Variants in LINGO2 observed in about 807,000 individuals in gnomAD.
LINGO2 encodes leucine-rich repeat and immunoglobulin-like domain-containing nogo receptor-interacting protein 2.
In LINGO2, 14 loss-of-function variants were observed where a neutral mutation model predicts 30.6. That is an observed-to-expected ratio of 0.46 (90% CI 0.30 to 0.72). The LOEUF is 0.72. Ranked by LOEUF, LINGO2 falls within the 30% of genes least tolerant of loss-of-function variation. The pLI is 0.07. For synonymous variants in LINGO2, 317 were observed against 288.5 expected, an observed-to-expected ratio of 1.10 and a Z score of -1.00; for missense variants, 729 against 751.7, an observed-to-expected ratio of 0.97 and a Z score of 0.35.
the LINGO2 span, among the ~76,000 whole-genome samples, chr9:28,771,455 GTGTGTGTGTGTGTGTGTGT>G: frequency 3.0e-5 from 2 of 67,666 alleles, no homozygotes; most frequent in African/African-American, 1.6e-4. Context: ...CCTATTTGGT[GTGTGTGTGTGTGTGTGTGT>G]GTGTGTGTGT....
At chr9:29,060,202 G>T in the LINGO2 span, among the ~76,000 whole-genome samples, 1 of 151,968 alleles carries the variant, frequency 6.6e-6, no homozygotes. Context: ...AATTCAGAAA[G>T]TAACCTCATA....
At chr9:28,527,087 A>G (rs1440098356) in intron 1 of LINGO2, among the ~76,000 whole-genome samples, 2 of 152,200 alleles carry the variant, frequency 1.3e-5, no homozygotes, top group African/African-American at 4.8e-5. Context: ...TTTCTTTTAC[A>G]CAGAAGTAGA....
intron 2 of LINGO2, among the ~76,000 whole-genome samples, chr9:28,433,581 T>C (rs753906887): frequency 6.6e-6 from 1 of 151,972 alleles, no homozygotes; most frequent in Non-Finnish European, 1.5e-5. Context: ...CACAATGAGA[T>C]ATCACTGCAC....
the LINGO2 span, among the ~76,000 whole-genome samples, chr9:28,959,610 C>CACACACACACACA: frequency 7.1e-6 from 1 of 141,622 alleles, no homozygotes; most frequent in African/African-American, 2.7e-5. Context: ...TCTCTCTCTC[C>CACACACACACACA]CTCACACACA....
the LINGO2 span, among the ~76,000 whole-genome samples, chr9:28,766,140 C>T: frequency 6.6e-6 from 1 of 152,066 alleles, no homozygotes; most frequent in East Asian, 1.9e-4. Context: ...AGAAAGTAAT[C>T]AAGAAAATCA....
chr9:28,374,893 C>G (rs1186610295), intron 2 of LINGO2, among the ~76,000 whole-genome samples: 2 of 151,978 alleles, frequency 1.3e-5, no homozygotes, highest in African/African-American at 4.8e-5. Context: ...AAAAGAAACT[C>G]AGAAACTGAA....
the LINGO2 span, among the ~76,000 whole-genome samples, chr9:28,749,721 A>C: frequency 6.6e-6 from 1 of 152,088 alleles, no homozygotes; most frequent in Admixed American, 6.5e-5. Flanking sequence ...CAAAATGCAA[A>C]GTACTCACAA....
the LINGO2 span, among the ~76,000 whole-genome samples, chr9:28,864,874 G>A: frequency 6.6e-6 from 1 of 152,092 alleles, no homozygotes; most frequent in South Asian, 2.1e-4. Flanking sequence ...GTTAGATGCT[G>A]GGGATATAAA....
the LINGO2 span, among the ~76,000 whole-genome samples, chr9:29,112,927 T>C: frequency 6.6e-6 from 1 of 152,178 alleles, no homozygotes; most frequent in Non-Finnish European, 1.5e-5. Context: ...AAGATACTAA[T>C]ATCATCCCAA....
the LINGO2 span, among the ~76,000 whole-genome samples, chr9:28,878,102 A>G: frequency 6.6e-6 from 1 of 152,136 alleles, no homozygotes; most frequent in Non-Finnish European, 1.5e-5. Flanking sequence ...AAGACTAATA[A>G]AGAAAAAATG....
the LINGO2 span, among the ~76,000 whole-genome samples, chr9:28,856,641 A>G: frequency 6.6e-6 from 1 of 152,066 alleles, no homozygotes; most frequent in Non-Finnish European, 1.5e-5. Flanking sequence ...CACTGTGACT[A>G]AAGCCCAGGG....
chr9:28,219,116 A>G (rs1232406931), intron 4 of LINGO2, among the ~76,000 whole-genome samples: 2 of 152,170 alleles, frequency 1.3e-5, no homozygotes, highest in Non-Finnish European at 2.9e-5. Context: ...ACTTGACCCT[A>G]TGAATATCAT....
intron 4 of LINGO2, among the ~76,000 whole-genome samples, chr9:28,044,910 G>T (rs909547994): frequency 6.6e-6 from 1 of 152,080 alleles, no homozygotes; most frequent in African/African-American, 2.4e-5. Context: ...CAAATCCAAA[G>T]TAATATAGGA....
At chr9:28,026,057 G>A (rs1455384757) in intron 4 of LINGO2, among the ~76,000 whole-genome samples, 1 of 152,080 alleles carries the variant, frequency 6.6e-6, no homozygotes, top group Non-Finnish European at 1.5e-5. Flanking sequence ...CTGTGTTCTA[G>A]CTACTGAGGC....
intron 4 of LINGO2, among the ~76,000 whole-genome samples, chr9:28,034,781 A>G (rs1312464352): frequency 1.3e-5 from 2 of 152,238 alleles, no homozygotes; most frequent in African/African-American, 4.8e-5. Context: ...GTATTTAATA[A>G]TTTAAACTTA....
the LINGO2 span, among the ~76,000 whole-genome samples, chr9:29,058,304 T>C: frequency 6.6e-6 from 1 of 151,868 alleles, no homozygotes. Context: ...TCTTAGGAAG[T>C]AAAAACATCA....
chr9:28,574,427 G>C (rs1823854929), intron 1 of LINGO2, among the ~76,000 whole-genome samples: 1 of 152,104 alleles, frequency 6.6e-6, no homozygotes, highest in Non-Finnish European at 1.5e-5. Flanking sequence ...ATTCCATCTT[G>C]TAAGAGAGCT....
chr9:28,069,893 T>C lies in LINGO2; in HGVS notation c.-86-57488A>G, dbSNP rs1825422586. Among the ~76,000 whole-genome samples the C allele has an allele frequency of 2.6e-5, 4 of 152,142 alleles. No individual in the cohort carries two copies. In the South Asian group the frequency reaches 8.3e-4, roughly 31 times the overall value. On this transcript the variant is annotated intron_variant, in intron 4 of 5. Coordinates refer to ENST00000379992, the Ensembl canonical transcript of LINGO2. ...AACTGCCAAATAGCCATGTGGAAAGTGAAAGCTCTTCCAGCAATTGCTGGT... is the reference window on the plus strand; with the variant it reads ...AACTGCCAAATAGCCATGTGGAAAGCGAAAGCTCTTCCAGCAATTGCTGGT...
At chr9:28,746,472 T>C in the LINGO2 span, among the ~76,000 whole-genome samples, 1 of 151,974 alleles carries the variant, frequency 6.6e-6, no homozygotes, top group Non-Finnish European at 1.5e-5. Context: ...AGATGTTTTT[T>C]CTTAATTGGT....
Sources: gnomAD v4.1 joint callset for allele counts (sites outside exome capture counted in the v4.1 genomes callset) on GRCh38, gnomAD v4.1.1 for gene constraint, MANE v1.5 for transcripts, NCBI Gene and HGNC (gene_info 2026-07-23, HGNC 2026-07-21) for gene names.